Variants in ABCC12 observed in about 807,000 individuals in gnomAD.
ABCC12 encodes the protein ATP-binding cassette sub-family C member 12.
A neutral mutation model predicts 151.1 loss-of-function variants in ABCC12; 142 were observed. The observed-to-expected ratio is 0.94, with a 90% CI of 0.82 to 1.08. The LOEUF (loss-of-function observed/expected upper bound fraction) is 1.08. Ranked by LOEUF, ABCC12 falls within the 50% of genes least tolerant of loss-of-function variation. The probability of loss-of-function intolerance (pLI) is 0.00; values close to 1 mark genes in which losing one functional copy is unlikely to be tolerated. For missense variants in ABCC12, 1,638 were observed against 1,691.1 expected (o/e 0.97, Z 0.55); for synonymous variants, 645 against 646.4 (o/e 1.00, Z 0.03).
At chr16:48,151,761 G>T (rs980051272) in intron 2 of ABCC12, among the ~76,000 whole-genome samples, 7 of 152,180 alleles carry the variant, frequency 4.6e-5, no homozygotes, top group African/African-American at 1.4e-4. Context: ...AGTTACTCAG[G>T]TTTCCTCCCA....
chr16:48,155,074 T>A (rs1567460876), intron 1 of ABCC12, among the ~76,000 whole-genome samples: 1 of 152,046 alleles, frequency 6.6e-6, no homozygotes, highest in Non-Finnish European at 1.5e-5. Flanking sequence ...GGCAGCCAGA[T>A]CAGAAAGCCC....
chr16:48,129,755 C>T (rs758493541), intron 10 of ABCC12, among the ~76,000 whole-genome samples: 10 of 152,130 alleles, frequency 6.6e-5, no homozygotes, highest in Admixed American at 2.0e-4. Flanking sequence ...TAATGGAAGC[C>T]TCAACTGAAG....
At chr16:48,140,951 G>A (rs2150673045) in intron 5 of ABCC12, 31 bp from the exon 6 acceptor site, 1 of 1,589,536 alleles carries the variant, frequency 6.3e-7, no homozygotes, top group Non-Finnish European at 8.6e-7. Flanking sequence ...GAGAAGAGAG[G>A]GCCACTGAGG....
chr16:48,093,367 C>T (rs531451163), intron 24 of ABCC12, among the ~76,000 whole-genome samples: 1 of 152,078 alleles, frequency 6.6e-6, no homozygotes, highest in East Asian at 1.9e-4. Flanking sequence ...TACCGCTGAG[C>T]CTTTCCCTGA....
Position 48,108,482 on chromosome 16 carries a change from C to G in ABCC12, c.2329G>C (p.Val777Leu), listed in dbSNP as rs144949377. ...TACGTGTGATATGTTTTCCAGGTCA[C>G]GGTTCCTTCCTGGGGGGATTCAGTC... The part of the protein sequence containing the change: ...IQTESPQEGT[V>L]TWKTYHTYIK... The change falls in exon 19 of 31, where the codon GTG becomes CTG. Residue 777 changes from valine (V) to leucine (L), a missense_variant. Val to Leu is a conservative substitution (Grantham distance 32, BLOSUM62 1). Coordinates refer to ENST00000311303, the MANE Select transcript of ABCC12 (RefSeq NM_001393797.1). The G allele has an allele frequency of 6.2e-7, 1 of 1,614,180 alleles. No individual in the cohort carries two copies. Among genetic ancestry groups the G allele is most frequent in the East Asian group, 2.2e-5 (1 of 44,874 alleles).
At chr16:48,099,220 C>T (rs1388450854) in intron 23 of ABCC12, among the ~76,000 whole-genome samples, 1 of 152,044 alleles carries the variant, frequency 6.6e-6, no homozygotes, top group Non-Finnish European at 1.5e-5. Context: ...GAGTTTGAGA[C>T]CAGCCTGGCC....
rs947460893 is a variant in ABCC12 at position 48,082,362 on chromosome 16, C to G, written c.*1353G>C. Among the ~76,000 whole-genome samples, 2 of 152,200 alleles carry G rather than the reference C, an allele frequency of 1.3e-5. No homozygotes were observed. The highest frequency in any genetic ancestry group is 2.9e-5 in the Non-Finnish European group (2 of 68,030). Reference sequence around the variant, plus strand: ...GGCCGGAGGAGGGCTGGAGAATAATCGGTTGGAGGTTAACCTCACATGCCC... The same window carrying G: ...GGCCGGAGGAGGGCTGGAGAATAATGGGTTGGAGGTTAACCTCACATGCCC... On this transcript the variant is annotated 3_prime_UTR_variant, in exon 31 of 31. Coordinates refer to ENST00000311303, the MANE Select transcript of ABCC12 (RefSeq NM_001393797.1).
chr16:48,123,079 A>G (rs956814276), intron 12 of ABCC12, among the ~76,000 whole-genome samples: 9 of 152,268 alleles, frequency 5.9e-5, no homozygotes, highest in African/African-American at 9.6e-5. Flanking sequence ...CATGGGAGAT[A>G]GACTTAATGT....
At chr16:48,148,426 G>A (rs977808392) in intron 2 of ABCC12, among the ~76,000 whole-genome samples, 3 of 151,528 alleles carry the variant, frequency 2.0e-5, no homozygotes, top group African/African-American at 2.4e-5. Flanking sequence ...TAGTAGAGAC[G>A]AGGTCTTGCC....
chr16:48,124,551 A>G (rs1964178663), intron 11 of ABCC12, among the ~76,000 whole-genome samples: 5 of 152,244 alleles, frequency 3.3e-5, no homozygotes. Flanking sequence ...ACGTAAGATC[A>G]CTGGTGTGAA....
intron 18 of ABCC12, 71 bp downstream of exon 18, chr16:48,111,361 ACTGT>A (rs1459150646): frequency 6.6e-7 from 1 of 1,521,246 alleles, no homozygotes; most frequent in Non-Finnish European, 9.1e-7. Flanking sequence ...CAGTGTCTAC[ACTGT>A]CTGTATCCCA....
chr16:48,104,360 C>T lies in ABCC12; in HGVS notation c.2682G>A (p.Lys894=). Residue 894 remains lysine (K), a synonymous_variant, in exon 22 of 31, where the codon AAG becomes AAA. Coordinates refer to ENST00000311303, the MANE Select transcript of ABCC12 (RefSeq NM_001393797.1). The part of the protein sequence containing the change: ...LHDTVFDKIL[K]SPMSFFDTTP... Reference sequence around the variant, plus strand: ...TCGTGTCAAAGAAACTCATTGGGCTCTTTAAGATCTGTGGAGAATGGTAGA... The same window carrying T: ...TCGTGTCAAAGAAACTCATTGGGCTTTTTAAGATCTGTGGAGAATGGTAGA... 6.2e-7 allele frequency: 1 copy of T among 1,614,164 alleles called. No homozygotes were observed. The highest frequency in any genetic ancestry group is 1.1e-5 in the South Asian group (1 of 91,088).
intron 2 of ABCC12, among the ~76,000 whole-genome samples, chr16:48,152,409 C>T (rs1032592476): frequency 3.9e-5 from 6 of 152,170 alleles, no homozygotes; most frequent in South Asian, 2.1e-4. Context: ...CATGTCCACC[C>T]GCTCTGCAAC....
chr16:48,134,499 T>G (rs185617933), intron 8 of ABCC12, among the ~76,000 whole-genome samples: 4 of 152,300 alleles, frequency 2.6e-5, no homozygotes, highest in Admixed American at 2.6e-4. Context: ...TGAGTTGTAT[T>G]TCAGAAAACC....
intron 2 of ABCC12, among the ~76,000 whole-genome samples, chr16:48,146,941 C>T (rs41280933): frequency 0.027 from 4,100 of 151,880 alleles, 82 homozygotes; most frequent in Non-Finnish European, 0.042. Flanking sequence ...GCACACACAC[C>T]GCCATGCGCA....
intron 12 of ABCC12, 103 bp downstream of exon 12, chr16:48,124,110 C>T (rs1964158644): frequency 4.1e-6 from 5 of 1,223,014 alleles, no homozygotes; most frequent in Non-Finnish European, 6.0e-6. Flanking sequence ...GCACAGTGTC[C>T]AGTGCAGCCG....
chr16:48,149,023 A>T (rs1052655588), intron 2 of ABCC12, among the ~76,000 whole-genome samples: 1 of 152,128 alleles, frequency 6.6e-6, no homozygotes, highest in Non-Finnish European at 1.5e-5. Context: ...ATGAGAAACA[A>T]CTAAGATGCA....
chr16:48,112,011 G>A, intron 15 of ABCC12, 101 bp from the exon 16 acceptor site: 3 of 1,433,040 alleles, frequency 2.1e-6, no homozygotes, highest in Non-Finnish European at 2.8e-6. Context: ...TTAGGGGCCA[G>A]ATCATTCTTT....
At chr16:48,117,847 C>T (rs896300582) in intron 13 of ABCC12, among the ~76,000 whole-genome samples, 1 of 152,182 alleles carries the variant, frequency 6.6e-6, no homozygotes, top group Non-Finnish European at 1.5e-5. Flanking sequence ...CTACTCCATC[C>T]ACCCCTCACT....
Sources: gnomAD v4.1 joint callset for allele counts (sites outside exome capture counted in the v4.1 genomes callset) on GRCh38, gnomAD v4.1.1 for gene constraint, MANE v1.5 for transcripts, NCBI Gene and HGNC (gene_info 2026-07-23, HGNC 2026-07-21) for gene names.